The following MNAT1 variants were observed in gnomAD, a reference collection of about 807,000 sequenced individuals.
The protein encoded by MNAT1 is CDK-activating kinase assembly factor MAT1.
MNAT1 carries 43 observed loss-of-function variants against 42.0 expected under a neutral mutation model. The observed-to-expected ratio is 1.02, with a 90% CI of 0.80 to 1.32. The LOEUF (loss-of-function observed/expected upper bound fraction) is 1.32, where lower values mean the gene tolerates loss of function less well. Among genes scored for constraint, MNAT1 ranks in the 40% most tolerant of loss-of-function variants. The pLI, the probability that MNAT1 is intolerant of heterozygous loss-of-function variation, is 0.00. For synonymous variants in MNAT1, 118 were observed against 120.0 expected (o/e 0.98, Z 0.11); for missense variants, 306 against 350.4 (o/e 0.87, Z 1.01).
intron 1 of MNAT1, among the ~76,000 whole-genome samples, chr14:60,769,278 T>A (rs923492810): frequency 1.3e-5 from 2 of 152,076 alleles, no homozygotes; most frequent in Admixed American, 1.3e-4. Flanking sequence ...TTTTAAGATA[T>A]ATTTTAAAAA....
chr14:60,867,359 A>C (rs1184023794), intron 6 of MNAT1, among the ~76,000 whole-genome samples: 1 of 152,114 alleles, frequency 6.6e-6, no homozygotes, highest in Non-Finnish European at 1.5e-5. Context: ...ATTAGGCATC[A>C]CATTTTAAAA....
intron 6 of MNAT1, among the ~76,000 whole-genome samples, chr14:60,839,545 C>G (rs1418476993): frequency 6.6e-6 from 1 of 152,186 alleles, no homozygotes; most frequent in Non-Finnish European, 1.5e-5. Context: ...GTAACACAAA[C>G]AGGACTGAAA....
chr14:60,895,000 A>G (rs1594843754), intron 7 of MNAT1, among the ~76,000 whole-genome samples: 1 of 152,164 alleles, frequency 6.6e-6, no homozygotes, highest in South Asian at 2.1e-4. Context: ...TCCAGGAACT[A>G]TTTATCTACC....
chr14:60,863,300 C>G (rs1200898970), intron 6 of MNAT1, among the ~76,000 whole-genome samples: 1 of 152,034 alleles, frequency 6.6e-6, no homozygotes, highest in Non-Finnish European at 1.5e-5. Flanking sequence ...TTATCTAGAG[C>G]TGTACTTCAT....
At chr14:60,948,088 A>G (rs556009013) in intron 7 of MNAT1, among the ~76,000 whole-genome samples, 10 of 152,264 alleles carry the variant, frequency 6.6e-5, no homozygotes, top group African/African-American at 2.2e-4. Context: ...GCCCAATCGC[A>G]TTATTCACCT....
rs147685157 is a variant in MNAT1 at position 60,788,277 on chromosome 14, C to T, written c.90-7940C>T. 4.5e-3 allele frequency among the ~76,000 whole-genome samples: 678 copies of T among 152,062 alleles called. 9 individuals carry two copies. Among genetic ancestry groups the T allele is most frequent in the African/African-American group, 0.015 (605 of 41,482 alleles). Reference sequence around the variant, plus strand: ...ACATTTTGGAAGGAATCTTTTTTTCCGAGCAATAGGTCTCAACAGTGGGTT... The same window carrying T: ...ACATTTTGGAAGGAATCTTTTTTTCTGAGCAATAGGTCTCAACAGTGGGTT... On this transcript the variant is annotated intron_variant, in intron 1 of 7. Coordinates refer to ENST00000261245, the MANE Select transcript of MNAT1 (RefSeq NM_002431.4).
At chr14:60,765,226 G>T (rs1236342794) in intron 1 of MNAT1, among the ~76,000 whole-genome samples, 1 of 152,158 alleles carries the variant, frequency 6.6e-6, no homozygotes, top group Non-Finnish European at 1.5e-5. Context: ...ACTCCAGCTT[G>T]GGCAAGTGAG....
intron 3 of MNAT1, among the ~76,000 whole-genome samples, chr14:60,807,002 C>T (rs919549843): frequency 1.3e-5 from 2 of 152,182 alleles, no homozygotes; most frequent in African/African-American, 4.8e-5. Context: ...GACTTATTTT[C>T]TTTCCCACTT....
chr14:60,873,523 C>T (rs1306345449), intron 6 of MNAT1, among the ~76,000 whole-genome samples: 1 of 152,040 alleles, frequency 6.6e-6, no homozygotes, highest in Non-Finnish European at 1.5e-5. Context: ...TGCTGGAGTA[C>T]AGTGGCACAA....
chr14:60,883,035 G>A (rs887249888), intron 7 of MNAT1, among the ~76,000 whole-genome samples: 1 of 152,062 alleles, frequency 6.6e-6, no homozygotes, highest in African/African-American at 2.4e-5. Context: ...TCTATAGGTT[G>A]TCTCTTTGTT....
intron 5 of MNAT1, among the ~76,000 whole-genome samples, chr14:60,817,223 A>G (rs2032742628): frequency 1.3e-5 from 2 of 151,778 alleles, no homozygotes; most frequent in South Asian, 4.1e-4. Context: ...ATGTTCTTTA[A>G]TTTTATATTT....
At chr14:60,755,089 C>G (rs1487858026) in intron 1 of MNAT1, among the ~76,000 whole-genome samples, 1 of 152,042 alleles carries the variant, frequency 6.6e-6, no homozygotes, top group African/African-American at 2.4e-5. Context: ...AACTTCAAAC[C>G]TCTGGGCTCA....
At chr14:60,747,841 AGGT>A (rs1212440598) in intron 1 of MNAT1, among the ~76,000 whole-genome samples, 1 of 152,230 alleles carries the variant, frequency 6.6e-6, no homozygotes, top group African/African-American at 2.4e-5. Context: ...CAAATTATGC[AGGT>A]GTACAAAAGT....
intron 1 of MNAT1, among the ~76,000 whole-genome samples, chr14:60,789,042 C>T (rs949620957): frequency 6.6e-5 from 10 of 152,086 alleles, no homozygotes; most frequent in Admixed American, 5.9e-4. Context: ...TATGATACAC[C>T]CTCCTCAGGA....
At chr14:60,781,925 C>T (rs562943136) in intron 1 of MNAT1, among the ~76,000 whole-genome samples, 3 of 145,662 alleles carry the variant, frequency 2.1e-5, no homozygotes, top group African/African-American at 7.6e-5. Context: ...TTTCCTATGC[C>T]GTATTTCCAT....
Position 60,906,346 on chromosome 14 carries a change from T to C in MNAT1, c.809+26511T>C, listed in dbSNP as rs4151343. 1.2e-4 allele frequency among the ~76,000 whole-genome samples: 19 copies of C among 152,262 alleles called. No homozygotes were observed. The East Asian group carries it at 3.3e-3, about 26-fold the overall frequency. On this transcript the variant is annotated intron_variant, in intron 7 of 7. Coordinates refer to ENST00000261245, the MANE Select transcript of MNAT1 (RefSeq NM_002431.4). ...GGAGATGCGAAGTCATAGGAGAATT[T>C]TGAACAGAAGTTGCCATAATATTAC...
At chr14:60,887,159 AT>A (rs1373523155) in intron 7 of MNAT1, among the ~76,000 whole-genome samples, 3 of 151,934 alleles carry the variant, frequency 2.0e-5, no homozygotes, top group African/African-American at 7.3e-5. Flanking sequence ...GTTGTATAAC[AT>A]TGATTTGCAT....
chr14:60,851,596 CG>C (rs1420956173), intron 6 of MNAT1, among the ~76,000 whole-genome samples: 1 of 152,038 alleles, frequency 6.6e-6, no homozygotes, highest in African/African-American at 2.4e-5. Flanking sequence ...AGGTTTGTTA[CG>C]TAGGTACACA....
At chr14:60,788,353 T>C (rs2031716374) in intron 1 of MNAT1, among the ~76,000 whole-genome samples, 1 of 152,202 alleles carries the variant, frequency 6.6e-6, no homozygotes, top group Admixed American at 6.5e-5. Flanking sequence ...ATTCAGGCTT[T>C]ATTCTTCCAT....
Sources: allele counts gnomAD v4.1 joint callset (sites outside exome capture counted in the v4.1 genomes callset), GRCh38; gene constraint gnomAD v4.1.1; transcripts MANE v1.5; gene names NCBI Gene and HGNC (gene_info 2026-07-23, HGNC 2026-07-21).